Variants in AUTS2 observed in about 807,000 individuals in gnomAD.
AUTS2 encodes autism susceptibility gene 2 protein.
AUTS2 carries 17 observed loss-of-function variants against 112.4 expected under a neutral mutation model. That is an observed-to-expected ratio of 0.15 (90% CI 0.10 to 0.23). AUTS2 has a LOEUF of 0.23. Among genes scored for constraint, AUTS2 ranks in the 10% least tolerant of loss-of-function variants. The pLI, the probability that AUTS2 is intolerant of heterozygous loss-of-function variation, is 1.00. For missense variants in AUTS2, 1,510 were observed against 1,701.6 expected, an observed-to-expected ratio of 0.89 and a Z score of 1.98; for synonymous variants, 751 against 702.7, an observed-to-expected ratio of 1.07 and a Z score of -1.09.
At chr7:70,372,333 A>G (rs12698902) in intron 4 of AUTS2, among the ~76,000 whole-genome samples, 50,945 of 152,084 alleles carry the variant, frequency 0.33, 9,195 homozygotes, top group African/African-American at 0.47. Flanking sequence ...AGAGGAAGAT[A>G]TCCTAGTACT....
chr7:70,509,405 AGGT>A (rs1799096172), intron 5 of AUTS2, among the ~76,000 whole-genome samples: 1 of 152,232 alleles, frequency 6.6e-6, no homozygotes, highest in South Asian at 2.1e-4. Context: ...ACCCTACGGA[AGGT>A]ACAGTTGAGC....
chr7:70,162,246 A>G (rs1179569880), intron 4 of AUTS2, among the ~76,000 whole-genome samples: 1 of 151,382 alleles, frequency 6.6e-6, no homozygotes. Context: ...GGAGATCGAG[A>G]CCATCCCGGC....
rs185757932 is a variant in AUTS2 at position 69,882,232 on chromosome 7, G to A, written c.310-17054G>A. Among the ~76,000 whole-genome samples, 434 of 151,574 alleles carry A rather than the reference G, an allele frequency of 2.9e-3. 1 individual carries two copies. Among genetic ancestry groups the A allele is most frequent in the Non-Finnish European group, 4.6e-3 (312 of 67,950 alleles). Reference sequence around the variant, plus strand: ...CATGCCTGTAATCCCAGCACTTTGGGAGGCTGAGGTGAAAGAATTGATTGC... The same window carrying A: ...CATGCCTGTAATCCCAGCACTTTGGAAGGCTGAGGTGAAAGAATTGATTGC... On this transcript the variant is annotated intron_variant, in intron 1 of 18. Coordinates refer to ENST00000342771, the MANE Select transcript of AUTS2 (RefSeq NM_015570.4).
At chr7:70,003,453 AATAT>A (rs1439526510) in intron 2 of AUTS2, among the ~76,000 whole-genome samples, 1 of 90,634 alleles carries the variant, frequency 1.1e-5, no homozygotes, top group East Asian at 3.4e-4. Flanking sequence ...GAATATATAT[AATAT>A]ATATGAATAT....
Position 70,435,800 on chromosome 7 carries a change from C to T in AUTS2, c.690+19C>T. The T allele has an allele frequency of 6.2e-7, 1 of 1,612,956 alleles. No homozygotes were observed. Among genetic ancestry groups the T allele is most frequent in the Non-Finnish European group, 8.5e-7 (1 of 1,178,922 alleles). On this transcript the variant is annotated intron_variant, in intron 5 of 18. Coordinates refer to ENST00000342771, the MANE Select transcript of AUTS2 (RefSeq NM_015570.4). ...AGAGAAGGTAAGACCCCCCCTCCCC[C>T]ATTGTGGGCACAGCACATAACACAC...
intron 5 of AUTS2, among the ~76,000 whole-genome samples, chr7:70,607,905 A>G (rs917812180): frequency 1.3e-5 from 2 of 152,216 alleles, no homozygotes; most frequent in African/African-American, 4.8e-5. Context: ...GGAACTGCAC[A>G]TGTGGAATGT....
chr7:70,674,598 A>G (rs762796035), intron 5 of AUTS2, among the ~76,000 whole-genome samples: 19 of 152,200 alleles, frequency 1.2e-4, no homozygotes, highest in Admixed American at 1.0e-3. Flanking sequence ...AGCCACTGAT[A>G]ATGGCAACCT....
intron 1 of AUTS2, among the ~76,000 whole-genome samples, chr7:69,618,731 A>G (rs1248493117): frequency 6.6e-6 from 1 of 152,242 alleles, no homozygotes; most frequent in Admixed American, 6.5e-5. Context: ...AGTATAAAGC[A>G]TAACATAGCC....
At chr7:69,916,117 T>A (rs1221722382) in intron 2 of AUTS2, among the ~76,000 whole-genome samples, 2 of 152,266 alleles carry the variant, frequency 1.3e-5, no homozygotes, top group Non-Finnish European at 2.9e-5. Context: ...GAGCTGTTTC[T>A]AATTTACTAT....
At position 70,185,257 on chromosome 7, in the gene AUTS2, CTTTTTTTT is replaced by C. The variant is rs35215443; in HGVS notation, c.660+50706_660+50713del. Among the ~76,000 whole-genome samples the C allele has an allele frequency of 2.3e-3, 198 of 87,114 alleles. 3 individuals are homozygous for C. The East Asian group carries it at 0.029, about 13-fold the overall frequency. The allele number at this position is 87,114 out of a possible 152,430, so 57.2% of individuals were successfully genotyped here. On this transcript the variant is annotated intron_variant, in intron 4 of 18. Transcript: ENST00000342771. ...TGCTTTGGGCCTAAATGACATTAAA[CTTTTTTTT>C]TTTTTTTTTTTTTTTTTTTAAGAAA...
chr7:69,649,234 C>T (rs1183775314), intron 1 of AUTS2, among the ~76,000 whole-genome samples: 1 of 152,182 alleles, frequency 6.6e-6, no homozygotes, highest in African/African-American at 2.4e-5. Flanking sequence ...ACCCTAACAA[C>T]AGCCAAAACA....
intron 6 of AUTS2, among the ~76,000 whole-genome samples, chr7:70,756,050 TAAAGTC>T (rs577983229): frequency 5.9e-5 from 9 of 152,190 alleles, no homozygotes; most frequent in African/African-American, 1.2e-4. Context: ...ATATGAGAAT[TAAAGTC>T]AATGTTTATT....
At chr7:69,863,052 C>T (rs971259913) in intron 1 of AUTS2, among the ~76,000 whole-genome samples, 6 of 150,382 alleles carry the variant, frequency 4.0e-5, no homozygotes, top group Non-Finnish European at 8.9e-5. Context: ...TCACCTGAGT[C>T]TTCCAAAGAT....
Position 70,244,499 on chromosome 7 carries a change from C to T in AUTS2, c.660+109928C>T, listed in dbSNP as rs1315104771. On this transcript the variant is annotated intron_variant, in intron 4 of 18. Coordinates refer to ENST00000342771, the MANE Select transcript of AUTS2 (RefSeq NM_015570.4). Reference sequence around the variant, plus strand: ...AATATTTTTCTGTGTTATTGCATCTCACAGGAATCTATTCCTAAAGGATTC... The same window carrying T: ...AATATTTTTCTGTGTTATTGCATCTTACAGGAATCTATTCCTAAAGGATTC... 3.3e-5 allele frequency among the ~76,000 whole-genome samples: 5 copies of T among 152,282 alleles called. 1 individual carries two copies. In the Middle Eastern group the frequency reaches 0.01, roughly 311 times the overall value.
intron 5 of AUTS2, among the ~76,000 whole-genome samples, chr7:70,452,059 G>T (rs1414726381): frequency 6.6e-6 from 1 of 152,200 alleles, no homozygotes; most frequent in Non-Finnish European, 1.5e-5. Flanking sequence ...ATAGTGCTGT[G>T]TGACTGCGGC....
Position 70,739,003 on chromosome 7 carries a change from C to CTTTTTTTTTTTTTT in AUTS2, c.743-23846_743-23833dup, listed in dbSNP as rs57525224. On this transcript the variant is annotated intron_variant, in intron 6 of 18. Coordinates refer to ENST00000342771, the MANE Select transcript of AUTS2 (RefSeq NM_015570.4). ...GGTGATGTCCACGAGGTTTTGAGGC[C>CTTTTTTTTTTTTTT]TTTTTTTTTTTTTTTTTTTTTTTTT... 8.6e-4 allele frequency among the ~76,000 whole-genome samples: 49 copies of CTTTTTTTTTTTTTT among 57,294 alleles called. 9 individuals carry two copies. The highest frequency in any genetic ancestry group is 1.3e-3 in the Non-Finnish European group (41 of 31,704). The allele number at this position is 57,294 out of a possible 152,430, so 37.6% of individuals were successfully genotyped here. A position where few individuals can be genotyped will look rare whatever the true frequency, so the allele number is the denominator to read the frequency against.
chr7:70,232,088 G>T (rs1370039220), intron 4 of AUTS2, among the ~76,000 whole-genome samples: 2 of 152,082 alleles, frequency 1.3e-5, no homozygotes, highest in Non-Finnish European at 2.9e-5. Context: ...TCTGTGTGTG[G>T]TTTTTAAACT....
intron 1 of AUTS2, among the ~76,000 whole-genome samples, chr7:69,791,142 AT>A (rs1789591264): frequency 6.6e-6 from 1 of 152,210 alleles, no homozygotes; most frequent in Non-Finnish European, 1.5e-5. Context: ...CTTTTTAAAA[AT>A]AATGGCCCTA....
chr7:70,773,061 T>C (rs1358667270), intron 11 of AUTS2, among the ~76,000 whole-genome samples: 1 of 152,270 alleles, frequency 6.6e-6, no homozygotes, highest in Non-Finnish European at 1.5e-5. Flanking sequence ...AATATGTAGA[T>C]TGCAGTTCAT....
Sources: allele counts gnomAD v4.1 joint callset (sites outside exome capture counted in the v4.1 genomes callset), GRCh38; gene constraint gnomAD v4.1.1; transcripts MANE v1.5; gene names NCBI Gene and HGNC (gene_info 2026-07-23, HGNC 2026-07-21).